The following MICAL3 variants were observed in gnomAD, a reference collection of about 807,000 sequenced individuals.
The protein encoded by MICAL3 is microtubule associated monooxygenase, calponin and LIM domain containing 3.
In MICAL3, 62 loss-of-function variants were observed where a neutral mutation model predicts 207.4. The ratio of observed to expected loss-of-function variants is 0.30; its 90% CI spans 0.24 to 0.37. The LOEUF (loss-of-function observed/expected upper bound fraction) is 0.37. Among genes scored for constraint, MICAL3 ranks in the 10% least tolerant of loss-of-function variants. MICAL3 has a pLI of 1.00. For missense variants in MICAL3, 2,368 were observed against 2,635.6 expected, an observed-to-expected ratio of 0.90 and a Z score of 2.22; for synonymous variants, 1,077 against 1,069.3, an observed-to-expected ratio of 1.01 and a Z score of -0.14.
intron 1 of MICAL3, among the ~76,000 whole-genome samples, chr22:18,008,945 C>T (rs569189135): frequency 2.0e-5 from 3 of 152,090 alleles, no homozygotes; most frequent in South Asian, 2.1e-4. Flanking sequence ...GAAATTAAAA[C>T]GCAACTTGAC....
intron 21 of MICAL3, 90 bp from the exon 22 acceptor site, chr22:17,827,871 G>T: frequency 1.5e-6 from 2 of 1,377,668 alleles, no homozygotes; most frequent in South Asian, 1.3e-5. Flanking sequence ...AGAAGTTACA[G>T]CATTGGCCAG....
At chr22:17,861,865 A>C in intron 19 of MICAL3, 2 of 985,500 alleles carry the variant, frequency 2.0e-6, no homozygotes, top group Non-Finnish European at 2.4e-6. Flanking sequence ...AGAGAAAGAC[A>C]ATACTTTAAA....
chr22:17,890,023 G>A (rs753652897), intron 12 of MICAL3, among the ~76,000 whole-genome samples: 56 of 152,120 alleles, frequency 3.7e-4, no homozygotes, highest in Non-Finnish European at 6.6e-4. Context: ...TCTCCTGGAG[G>A]GGAAATTCCA....
At chr22:17,982,745 A>C (rs55845001) in intron 1 of MICAL3, among the ~76,000 whole-genome samples, 4 of 128,818 alleles carry the variant, frequency 3.1e-5, no homozygotes, top group African/African-American at 1.3e-4. Context: ...AATAAAATAA[A>C]ATAAAATAAA....
At chr22:17,950,317 A>G (rs943975198) in intron 1 of MICAL3, among the ~76,000 whole-genome samples, 5 of 146,356 alleles carry the variant, frequency 3.4e-5, no homozygotes, top group African/African-American at 1.3e-4. Context: ...GCCTGCCACC[A>G]CATCTGGCGT....
chr22:17,978,133 T>C (rs918605515), intron 1 of MICAL3, among the ~76,000 whole-genome samples: 27 of 152,156 alleles, frequency 1.8e-4, no homozygotes, highest in Non-Finnish European at 1.6e-4. Flanking sequence ...AAAGTGGAAA[T>C]AACTCAAATG....
At chr22:17,920,407 A>C (rs1437047949) in intron 1 of MICAL3, among the ~76,000 whole-genome samples, 1 of 151,630 alleles carries the variant, frequency 6.6e-6, no homozygotes, top group Non-Finnish European at 1.5e-5. Context: ...CTCCCTCTCC[A>C]ATCTGGCCTC....
At chr22:17,804,489 G>C (rs564990324) in intron 29 of MICAL3, among the ~76,000 whole-genome samples, 1 of 152,212 alleles carries the variant, frequency 6.6e-6, no homozygotes, top group African/African-American at 2.4e-5. Context: ...TTAACAACAG[G>C]AAACGAGCAG....
intron 21 of MICAL3, among the ~76,000 whole-genome samples, chr22:17,830,023 C>T (rs1297825503): frequency 6.6e-6 from 1 of 152,110 alleles, no homozygotes; most frequent in African/African-American, 2.4e-5. Context: ...TGGATGGCTG[C>T]CAGGGAGCTG....
chr22:17,912,216 C>T (rs1222416332), intron 1 of MICAL3, among the ~76,000 whole-genome samples: 1 of 152,214 alleles, frequency 6.6e-6, no homozygotes, highest in East Asian at 1.9e-4. Flanking sequence ...TATGTCAGTA[C>T]CACACTGTTT....
chr22:17,914,315 A>G (rs985434524), intron 1 of MICAL3, among the ~76,000 whole-genome samples: 2 of 152,148 alleles, frequency 1.3e-5, no homozygotes, highest in Non-Finnish European at 2.9e-5. Flanking sequence ...AGTCCTGCTA[A>G]ACTGTAGTGT....
At chr22:18,001,131 C>G (rs1569163255) in intron 1 of MICAL3, 1 of 152,266 alleles carries the variant, frequency 6.6e-6, no homozygotes, top group South Asian at 2.1e-4. Flanking sequence ...CACGGGAACG[C>G]GAGGCGGGGG....
At chr22:17,832,438 C>T (rs1201304802) in intron 20 of MICAL3, among the ~76,000 whole-genome samples, 1 of 152,150 alleles carries the variant, frequency 6.6e-6, no homozygotes, top group African/African-American at 2.4e-5. Context: ...GGGGAGTGTG[C>T]AGAACTGGGA....
At chr22:17,903,105 G>A (rs1469428133) in intron 3 of MICAL3, among the ~76,000 whole-genome samples, 4 of 152,236 alleles carry the variant, frequency 2.6e-5, no homozygotes, top group Non-Finnish European at 5.9e-5. Context: ...CCTGCTAGGA[G>A]GCAGATGTGC....
chr22:18,007,816 G>C (rs941534470), intron 1 of MICAL3, among the ~76,000 whole-genome samples: 2 of 150,676 alleles, frequency 1.3e-5, no homozygotes, highest in Non-Finnish European at 3.0e-5. Flanking sequence ...ACAGCTACTC[G>C]GGAGGCTGAG....
At chr22:17,956,102 T>G (rs1934601054) in intron 1 of MICAL3, among the ~76,000 whole-genome samples, 1 of 152,200 alleles carries the variant, frequency 6.6e-6, no homozygotes, top group Non-Finnish European at 1.5e-5. Context: ...AGAAGGGAGC[T>G]GCAGAGGGCA....
In MICAL3 at chr22:17,817,981, G is replaced by A; in HGVS notation, c.4680C>T (p.Pro1560=). 1.2e-6 allele frequency: 2 copies of A among 1,612,462 alleles called. No individual in the cohort carries two copies. The highest frequency in any genetic ancestry group is 1.7e-6 in the Non-Finnish European group (2 of 1,179,772). The part of the protein sequence containing the change: ...WPRPEKPRHP[P]LAKENGRLPA... ...GCAGCCTCCCGTTCTCCTTGGCCAG[G>A]GGCGGGTGGCGAGGCTTCTCGGGGC... Residue 1560 remains proline (P), a synonymous_variant, in exon 26 of 32, where the codon CCC becomes CCT. Transcript: ENST00000441493.
At chr22:17,876,197 C>G (rs1928318380) in intron 16 of MICAL3, among the ~76,000 whole-genome samples, 1 of 152,114 alleles carries the variant, frequency 6.6e-6, no homozygotes, top group Non-Finnish European at 1.5e-5. Flanking sequence ...CAAAACTGGG[C>G]AAGGGTCTCC....
rs867796803 is a variant in MICAL3, at chr22:17,830,310, C to T, written c.3055+1544G>A. Among the ~76,000 whole-genome samples, 25 of 152,322 alleles carry T rather than the reference C, an allele frequency of 1.6e-4. No homozygotes were observed. The South Asian group carries it at 2.3e-3, about 14-fold the overall frequency. On this transcript the variant is annotated intron_variant, in intron 21 of 31. Transcript: ENST00000441493. ...ACACCTGCGCTAGGGACACAGGCTCCGGTCTGGGACTCTCGGAGTTTGGCT... is the reference window on the plus strand; with the variant it reads ...ACACCTGCGCTAGGGACACAGGCTCTGGTCTGGGACTCTCGGAGTTTGGCT...
Sources: allele counts gnomAD v4.1 joint callset (sites outside exome capture counted in the v4.1 genomes callset), GRCh38; gene constraint gnomAD v4.1.1; transcripts MANE v1.5; gene names NCBI Gene and HGNC (gene_info 2026-07-23, HGNC 2026-07-21).